EFCAB6: variants seen among roughly 807,000 people sequenced by gnomAD.
EFCAB6 encodes the protein EF-hand calcium binding domain 6.
In EFCAB6, 156 loss-of-function variants were observed where a neutral mutation model predicts 169.8. That is an observed-to-expected ratio of 0.92 (90% CI 0.81 to 1.05). The LOEUF (loss-of-function observed/expected upper bound fraction) is 1.05, where lower values mean the gene tolerates loss of function less well. Among genes scored for constraint, EFCAB6 ranks in the 50% least tolerant of loss-of-function variants. The pLI, the probability that EFCAB6 is intolerant of heterozygous loss-of-function variation, is 0.00. For synonymous variants in EFCAB6, 698 were observed against 676.4 expected, an observed-to-expected ratio of 1.03 and a Z score of -0.50; for missense variants, 1,800 against 1,829.1, an observed-to-expected ratio of 0.98 and a Z score of 0.29.
At chr22:43,731,878 G>T in intron 7 of EFCAB6, 67 bp from the exon 8 acceptor site, 3 of 960,642 alleles carry the variant, frequency 3.1e-6, no homozygotes, top group South Asian at 2.1e-5. Context: ...TTGTTACTAA[G>T]GTATCCTTTA....
At chr22:43,573,926 T>C (rs2050062016) in intron 26 of EFCAB6, among the ~76,000 whole-genome samples, 2 of 152,188 alleles carry the variant, frequency 1.3e-5, no homozygotes, top group South Asian at 4.1e-4. Context: ...CATTTATGTC[T>C]TTAAAAATGG....
intron 26 of EFCAB6, among the ~76,000 whole-genome samples, chr22:43,563,068 T>C (rs912863071): frequency 6.6e-6 from 1 of 152,158 alleles, no homozygotes; most frequent in Non-Finnish European, 1.5e-5. Context: ...GACCTGCCCT[T>C]GTTCAGCGCC....
rs1166013265 is a variant in EFCAB6, at chr22:43,628,134, G to C, written c.2233-1455C>G. ...CCAGTGGTCTGGGGGCATTTTCTCT[G>C]GGATGTCAAACTGAACATGGCCCAA... On this transcript the variant is annotated intron_variant, in intron 19 of 31. Transcript: ENST00000262726. The surrounding 1 kb of genome is among the most constrained non-coding windows in gnomAD (Gnocchi z 4.8). 6.6e-6 allele frequency among the ~76,000 whole-genome samples: 1 copy of C among 151,952 alleles called. No homozygotes were observed. The highest frequency in any genetic ancestry group is 1.5e-5 in the Non-Finnish European group (1 of 67,982).
At chr22:43,731,195 C>G (rs1204172942) in intron 8 of EFCAB6, among the ~76,000 whole-genome samples, 2 of 152,128 alleles carry the variant, frequency 1.3e-5, no homozygotes, top group Non-Finnish European at 2.9e-5. Flanking sequence ...AAAGACTGTT[C>G]GCACGAGGAA....
At chr22:43,585,342 G>A (rs531200854) in intron 24 of EFCAB6, among the ~76,000 whole-genome samples, 8 of 152,050 alleles carry the variant, frequency 5.3e-5, no homozygotes, top group South Asian at 2.1e-4. Context: ...ACTTTGATGC[G>A]CTCATCAGCA....
chr22:43,760,254 T>C (rs1195684045), intron 5 of EFCAB6, among the ~76,000 whole-genome samples: 1 of 150,384 alleles, frequency 6.6e-6, no homozygotes, highest in Non-Finnish European at 1.5e-5. Flanking sequence ...AATATAAGTA[T>C]ATAATATAGA....
chr22:43,528,796 A>G lies in EFCAB6; in HGVS notation c.*57T>C, dbSNP rs2046887942. 6.7e-7 allele frequency: 1 copy of G among 1,497,754 alleles called. No individual in the cohort carries two copies. The highest frequency in any genetic ancestry group is 9.0e-7 in the Non-Finnish European group (1 of 1,107,594). 92.8% of individuals were successfully genotyped at this position (1,497,754 alleles called of 1,614,324 possible). A position where few individuals can be genotyped will look rare whatever the true frequency, so the allele number is the denominator to read the frequency against. ...TGAAACCCCCAAATTATAGGATTTT[A>G]TTAGCCTTGAAACAGGCCCTGTGGC... On this transcript the variant is annotated 3_prime_UTR_variant, in exon 32 of 32. Transcript: ENST00000262726.
intron 12 of EFCAB6, 32 bp downstream of exon 12, chr22:43,683,715 T>G: frequency 7.0e-7 from 1 of 1,437,960 alleles, no homozygotes; most frequent in Non-Finnish European, 9.8e-7. Flanking sequence ...AAACAATGAG[T>G]GTTTCACAAG....
chr22:43,530,180 C>T lies in EFCAB6; in HGVS notation c.4383+635G>A, dbSNP rs375603200. Among the ~76,000 whole-genome samples the T allele has an allele frequency of 2.4e-4, 36 of 152,340 alleles. 1 individual carries two copies. In the East Asian group the frequency reaches 3.3e-3, roughly 14 times the overall value. On this transcript the variant is annotated intron_variant, in intron 31 of 31. Transcript: ENST00000262726. ...CACGCCCGAATTCCTGGGAAGTTGC[C>T]GGAAGGGAATAACAGAACCTGCCCT... is the stretch of plus-strand genomic sequence containing the variant.
chr22:43,770,576 C>T (rs1045614395), intron 4 of EFCAB6, among the ~76,000 whole-genome samples: 2 of 152,118 alleles, frequency 1.3e-5, no homozygotes, highest in Admixed American at 1.3e-4. Context: ...GGAAATTCTA[C>T]AACTGTAATA....
chr22:43,708,564 A>T (rs1392840722), intron 10 of EFCAB6, among the ~76,000 whole-genome samples: 1 of 152,208 alleles, frequency 6.6e-6, no homozygotes, highest in East Asian at 1.9e-4. Context: ...AAAAGCAAAG[A>T]TGTTACTCTT....
chr22:43,750,259 A>G (rs2060710575), intron 6 of EFCAB6, among the ~76,000 whole-genome samples: 1 of 152,226 alleles, frequency 6.6e-6, no homozygotes. Context: ...TATTCTCAAT[A>G]TAATTTTTTA....
intron 26 of EFCAB6, among the ~76,000 whole-genome samples, chr22:43,560,916 C>T (rs559289508): frequency 2.4e-4 from 37 of 152,292 alleles, no homozygotes; most frequent in African/African-American, 7.7e-4. Flanking sequence ...GGTGTTGCCA[C>T]GGAGAAGCAG....
chr22:43,652,640 A>G (rs2056530352), intron 17 of EFCAB6, among the ~76,000 whole-genome samples: 1 of 152,196 alleles, frequency 6.6e-6, no homozygotes, highest in South Asian at 2.1e-4. Flanking sequence ...CTGCCTAGCA[A>G]AGCAGAGGAT....
intron 5 of EFCAB6, among the ~76,000 whole-genome samples, chr22:43,758,472 T>C (rs945478664): frequency 1.3e-5 from 2 of 152,184 alleles, no homozygotes; most frequent in Admixed American, 6.5e-5. Flanking sequence ...CATATAAAAT[T>C]AATATATTTA....
chr22:43,762,134 C>A (rs895511424), intron 5 of EFCAB6, among the ~76,000 whole-genome samples: 4 of 152,230 alleles, frequency 2.6e-5, no homozygotes, highest in Non-Finnish European at 1.5e-5. Flanking sequence ...AATTCAAGGA[C>A]AGACCCTCAT....
intron 24 of EFCAB6, among the ~76,000 whole-genome samples, chr22:43,584,200 G>A (rs539824325): frequency 6.6e-6 from 1 of 152,316 alleles, no homozygotes; most frequent in South Asian, 2.1e-4. Context: ...AAGGAGTGGG[G>A]AAAGTGGCAG....
Position 43,608,694 on chromosome 22 carries a change from G to C in EFCAB6, c.2563-94C>G, listed in dbSNP as rs2053094516. 3 of 1,163,728 alleles carry C rather than the reference G, an allele frequency of 2.6e-6. No individual in the cohort carries two copies. The African/African-American group carries it at 4.5e-5, about 18-fold the overall frequency. The allele number at this position is 1,163,728 out of a possible 1,614,324, so 72.1% of individuals were successfully genotyped here. A position where few individuals can be genotyped will look rare whatever the true frequency, so the allele number is the denominator to read the frequency against. On this transcript the variant is annotated intron_variant, in intron 21 of 31. Coordinates refer to ENST00000262726, the MANE Select transcript of EFCAB6 (RefSeq NM_022785.4). ...TTAGTCAATATGTGGGAAACTCTAA[G>C]GCATCTGTATCCCCATCCACCTCCT...
intron 5 of EFCAB6, among the ~76,000 whole-genome samples, chr22:43,762,287 T>C (rs189886453): frequency 1.6e-4 from 25 of 152,330 alleles, no homozygotes; most frequent in African/African-American, 6.0e-4. Flanking sequence ...TTGTAGGCGA[T>C]GGTCCTTTGT....
Sources: gnomAD v4.1 joint callset for allele counts (sites outside exome capture counted in the v4.1 genomes callset) on GRCh38, gnomAD v4.1.1 for gene constraint, Gnocchi (gnomAD v3.1) non-coding constraint, MANE v1.5 for transcripts, NCBI Gene and HGNC (gene_info 2026-07-23, HGNC 2026-07-21) for gene names.